LRP1B: variants seen among roughly 807,000 people sequenced by gnomAD.
The protein encoded by LRP1B is LDL receptor related protein 1B.
In LRP1B, 217 loss-of-function variants were observed where a neutral mutation model predicts 556.6. The ratio of observed to expected loss-of-function variants is 0.39; its 90% CI spans 0.35 to 0.44. The LOEUF (loss-of-function observed/expected upper bound fraction) is 0.44. Among genes scored for constraint, LRP1B ranks in the 20% least tolerant of loss-of-function variants. The pLI is 1.00. For missense variants in LRP1B, 5,053 were observed against 5,620.8 expected, an observed-to-expected ratio of 0.90 and a Z score of 3.23; for synonymous variants, 2,047 against 1,865.8, an observed-to-expected ratio of 1.10 and a Z score of -2.50.
intron 21 of LRP1B, among the ~76,000 whole-genome samples, chr2:140,912,657 A>G (rs912176862): frequency 4.0e-5 from 6 of 151,786 alleles, no homozygotes; most frequent in Admixed American, 3.9e-4. Context: ...TACATGTCAA[A>G]GACTCTATTT....
At chr2:140,881,216 A>G (rs956171638) in intron 25 of LRP1B, among the ~76,000 whole-genome samples, 7 of 150,978 alleles carry the variant, frequency 4.6e-5, no homozygotes, top group African/African-American at 1.2e-4. Context: ...TTATATTTCA[A>G]TGTTGCTTTT....
chr2:140,612,269 C>A lies in LRP1B; in HGVS notation c.6800-10630G>T, dbSNP rs540076072. Among the ~76,000 whole-genome samples the A allele has an allele frequency of 8.5e-5, 13 of 152,200 alleles. No homozygotes were observed. The South Asian group carries it at 2.7e-3, about 32-fold the overall frequency. On this transcript the variant is annotated intron_variant, in intron 41 of 90. Coordinates refer to ENST00000389484, the MANE Select transcript of LRP1B (RefSeq NM_018557.3). The stretch of plus-strand genomic sequence containing the variant: ...GTTATTTTTAAATATGTTCATATCA[C>A]CACTTTTACTTCAATCACACAGGCA...
intron 2 of LRP1B, among the ~76,000 whole-genome samples, chr2:141,503,747 T>C (rs1214864231): frequency 6.6e-6 from 1 of 152,030 alleles, no homozygotes; most frequent in Non-Finnish European, 1.5e-5. Context: ...TACACAAAAC[T>C]GGAGAACTAG....
intron 7 of LRP1B, among the ~76,000 whole-genome samples, chr2:141,092,314 T>C (rs1700189291): frequency 1.3e-5 from 2 of 152,236 alleles, no homozygotes; most frequent in African/African-American, 4.8e-5. Flanking sequence ...GCTGATTTAT[T>C]GGATGTAAGA....
intron 1 of LRP1B, among the ~76,000 whole-genome samples, chr2:141,969,794 G>A (rs1246017681): frequency 6.6e-6 from 1 of 151,670 alleles, no homozygotes; most frequent in East Asian, 1.9e-4. Context: ...TAAGATCCCA[G>A]TAGTGGGATT....
chr2:141,490,420 A>G (rs894722314), intron 2 of LRP1B, among the ~76,000 whole-genome samples: 1 of 133,638 alleles, frequency 7.5e-6, no homozygotes, highest in East Asian at 3.1e-4. Context: ...ACTTTAGAAT[A>G]TATCAAGTGA....
chr2:141,533,024 G>A (rs1338229914), intron 2 of LRP1B, among the ~76,000 whole-genome samples: 1 of 151,886 alleles, frequency 6.6e-6, no homozygotes, highest in Non-Finnish European at 1.5e-5. Flanking sequence ...ATAAAGGTGT[G>A]GTATATCCAA....
chr2:140,571,781 AT>A (rs1681331101), intron 43 of LRP1B, among the ~76,000 whole-genome samples: 1 of 151,588 alleles, frequency 6.6e-6, no homozygotes, highest in South Asian at 2.1e-4. Flanking sequence ...CCAAAACAGC[AT>A]GCTGCTGGCA....
chr2:140,480,299 C>T (rs956023272), intron 59 of LRP1B, among the ~76,000 whole-genome samples: 1 of 152,168 alleles, frequency 6.6e-6, no homozygotes, highest in African/African-American at 2.4e-5. Context: ...TATCAAGTTA[C>T]AGAGGGTAAA....
At chr2:141,974,085 C>G (rs1701817950) in intron 1 of LRP1B, among the ~76,000 whole-genome samples, 1 of 151,926 alleles carries the variant, frequency 6.6e-6, no homozygotes, top group South Asian at 2.1e-4. Context: ...ATCCCATAGA[C>G]AGTGTATGAT....
intron 56 of LRP1B, among the ~76,000 whole-genome samples, chr2:140,494,461 CG>C (rs1211995186): frequency 1.3e-5 from 2 of 151,718 alleles, no homozygotes; most frequent in Non-Finnish European, 1.5e-5. Context: ...CAAAATTAGC[CG>C]GGTGTGGTGG....
intron 18 of LRP1B, among the ~76,000 whole-genome samples, chr2:140,972,260 G>T (rs923497419): frequency 3.9e-5 from 6 of 152,066 alleles, no homozygotes; most frequent in African/African-American, 1.4e-4. Context: ...AAATATAAAA[G>T]TATGGAACAA....
At chr2:141,454,462 T>TTAC (rs1681552831) in intron 3 of LRP1B, among the ~76,000 whole-genome samples, 1 of 152,138 alleles carries the variant, frequency 6.6e-6, no homozygotes, top group Non-Finnish European at 1.5e-5. Context: ...ACTCAGCTAC[T>TTAC]ATGGGCCCAC....
chr2:141,234,909 T>C (rs1683596131), intron 5 of LRP1B, among the ~76,000 whole-genome samples: 1 of 152,050 alleles, frequency 6.6e-6, no homozygotes, highest in Non-Finnish European at 1.5e-5. Flanking sequence ...ATCATATAAG[T>C]GAAAAAAATA....
At chr2:141,624,287 A>C (rs1369570914) in intron 2 of LRP1B, among the ~76,000 whole-genome samples, 1 of 152,078 alleles carries the variant, frequency 6.6e-6, no homozygotes, top group African/African-American at 2.4e-5. Context: ...ATATTAATAG[A>C]ACTTTAAAGT....
chr2:141,261,510 G>C (rs76263098), intron 3 of LRP1B, among the ~76,000 whole-genome samples: 2 of 152,050 alleles, frequency 1.3e-5, no homozygotes, highest in Non-Finnish European at 2.9e-5. Flanking sequence ...CACCTCTACA[G>C]TCAACCCATT....
At chr2:141,857,998 C>A (rs1209560528) in intron 1 of LRP1B, among the ~76,000 whole-genome samples, 1 of 152,034 alleles carries the variant, frequency 6.6e-6, no homozygotes, top group Non-Finnish European at 1.5e-5. Flanking sequence ...ACTAAAGATG[C>A]TAGAATAGAA....
At chr2:140,947,905 T>C (rs1029214301) in intron 20 of LRP1B, among the ~76,000 whole-genome samples, 47 of 152,258 alleles carry the variant, frequency 3.1e-4, no homozygotes, top group African/African-American at 1.1e-3. Context: ...AAGAGATATA[T>C]GCCATTCACA....
At chr2:140,855,272 T>G (rs976696454) in intron 27 of LRP1B, among the ~76,000 whole-genome samples, 10 of 151,560 alleles carry the variant, frequency 6.6e-5, no homozygotes, top group African/African-American at 1.9e-4. Context: ...CATGGATTGT[T>G]GCGCTAAACT....
Sources: gnomAD v4.1 joint callset for allele counts (sites outside exome capture counted in the v4.1 genomes callset) on GRCh38, gnomAD v4.1.1 for gene constraint, MANE v1.5 for transcripts, NCBI Gene and HGNC (gene_info 2026-07-23, HGNC 2026-07-21) for gene names.